Variants in CMYA5 observed in about 807,000 individuals in gnomAD.
CMYA5 encodes the protein cardiomyopathy-associated protein 5.
In CMYA5, 246 loss-of-function variants were observed where a neutral mutation model predicts 318.9. That is an observed-to-expected ratio of 0.77 (90% CI 0.70 to 0.86). The LOEUF (loss-of-function observed/expected upper bound fraction) is 0.86. Among genes scored for constraint, CMYA5 ranks in the 40% least tolerant of loss-of-function variants. The pLI is 0.00. For synonymous variants in CMYA5, 1,641 were observed against 1,729.5 expected (o/e 0.95, Z 1.27); for missense variants, 4,589 against 4,678.2 (o/e 0.98, Z 0.56).
chr5:79,763,600 G>A (rs1828697542), intron 9 of CMYA5, among the ~76,000 whole-genome samples: 1 of 152,156 alleles, frequency 6.6e-6, no homozygotes, highest in Non-Finnish European at 1.5e-5. Context: ...AAATTGGAAT[G>A]TCTCCATGAT....
intron 1 of CMYA5, among the ~76,000 whole-genome samples, chr5:79,706,802 A>C (rs578170050): frequency 6.6e-6 from 1 of 152,198 alleles, no homozygotes; most frequent in East Asian, 1.9e-4. Context: ...CCTGCATGCA[A>C]TTTTGTATTT....
chr5:79,696,223 A>G (rs1167834213), intron 1 of CMYA5, among the ~76,000 whole-genome samples: 1 of 152,248 alleles, frequency 6.6e-6, no homozygotes, highest in African/African-American at 2.4e-5. Context: ...AGGATTGTTC[A>G]GTTAAGGTGT....
intron 1 of CMYA5, among the ~76,000 whole-genome samples, chr5:79,703,554 A>T (rs915884409): frequency 6.6e-5 from 10 of 152,170 alleles, no homozygotes; most frequent in Admixed American, 2.0e-4. Context: ...GCCTAGGGTA[A>T]TCCTCCTTTG....
intron 7 of CMYA5, among the ~76,000 whole-genome samples, 179 bp from the exon 8 acceptor site, chr5:79,761,630 CTT>C (rs1250179080): frequency 2.0e-5 from 3 of 152,178 alleles, no homozygotes; most frequent in Admixed American, 2.0e-4. Context: ...CTAAGTATCT[CTT>C]TTCAGAATGC....
chr5:79,710,264 T>G (rs1827364345), intron 1 of CMYA5, among the ~76,000 whole-genome samples: 1 of 152,164 alleles, frequency 6.6e-6, no homozygotes. Flanking sequence ...GTTATTGATG[T>G]TGACATGTAG....
chr5:79,709,773 C>T (rs145466092), intron 1 of CMYA5, among the ~76,000 whole-genome samples: 3,282 of 151,530 alleles, frequency 0.022, 117 homozygotes, highest in African/African-American at 0.074. Flanking sequence ...GCCTGGTCAG[C>T]ATGGTGAAAC....
At chr5:79,690,164 G>A (rs1007807127) in intron 1 of CMYA5, 108 bp downstream of exon 1, 2 of 1,345,668 alleles carry the variant, frequency 1.5e-6, no homozygotes, top group African/African-American at 3.1e-5. Context: ...CTCGAGCTAG[G>A]CACTTTCTCT....
At chr5:79,695,102 A>G (rs11958210) in intron 1 of CMYA5, among the ~76,000 whole-genome samples, 25,901 of 152,204 alleles carry the variant, frequency 0.17, 2,363 homozygotes, top group African/African-American at 0.24. Flanking sequence ...AAAAAAGTCC[A>G]TAGTCCCTGG....
Position 79,776,807 on chromosome 5 carries a change from A to G in CMYA5, c.11556-12164A>G, listed in dbSNP as rs1828947226. ...TTTAAAAAACAATACCTATTTAGCC[A>G]TCTGTGGTACACTGCAGTGACGACA... On this transcript the variant is annotated intron_variant, in intron 9 of 12. Coordinates refer to ENST00000446378, the MANE Select transcript of CMYA5 (RefSeq NM_153610.5). Among the ~76,000 whole-genome samples the G allele has an allele frequency of 2.6e-5, 4 of 151,736 alleles. No individual in the cohort carries two copies. The South Asian group carries it at 8.3e-4, about 31-fold the overall frequency.
At chr5:79,711,469 G>A (rs1234775241) in intron 1 of CMYA5, among the ~76,000 whole-genome samples, 1 of 152,226 alleles carries the variant, frequency 6.6e-6, no homozygotes, top group African/African-American at 2.4e-5. Flanking sequence ...CAGAGGCAAA[G>A]TTTAATTGTC....
At chr5:79,760,241 T>A (rs1420739577) in intron 7 of CMYA5, among the ~76,000 whole-genome samples, 1 of 152,070 alleles carries the variant, frequency 6.6e-6, no homozygotes, top group Non-Finnish European at 1.5e-5. Context: ...TTCCCTATCC[T>A]GTGTCTCATT....
At chr5:79,699,182 AAG>A (rs1178294924) in intron 1 of CMYA5, among the ~76,000 whole-genome samples, 2 of 152,136 alleles carry the variant, frequency 1.3e-5, no homozygotes, top group Non-Finnish European at 2.9e-5. Context: ...ACAACAAAAA[AAG>A]AAAAGAAAAA....
chr5:79,776,193 G>A (rs1333823199), intron 9 of CMYA5, among the ~76,000 whole-genome samples: 1 of 151,988 alleles, frequency 6.6e-6, no homozygotes, highest in Non-Finnish European at 1.5e-5. Flanking sequence ...AGACCAGCCT[G>A]GCCATTCAGC....
At chr5:79,701,322 A>G (rs1479329096) in intron 1 of CMYA5, among the ~76,000 whole-genome samples, 2 of 152,196 alleles carry the variant, frequency 1.3e-5, no homozygotes, top group Non-Finnish European at 2.9e-5. Context: ...GTTAACATTA[A>G]TTGACTGTAC....
chr5:79,691,966 A>G (rs1182995129), intron 1 of CMYA5, among the ~76,000 whole-genome samples: 3 of 152,204 alleles, frequency 2.0e-5, no homozygotes, highest in East Asian at 1.9e-4. Context: ...CTGATTGGCA[A>G]TTGGTTGAAA....
chr5:79,799,300 C>G, intron 12 of CMYA5, 70 bp from the exon 13 acceptor site: 1 of 1,491,582 alleles, frequency 6.7e-7, no homozygotes, highest in South Asian at 1.3e-5. Context: ...TGGTTATTCC[C>G]AAGTGACTTT....
At position 79,799,934 on chromosome 5, in the gene CMYA5, A is replaced by G. The variant is rs1829344892; in HGVS notation, c.*318A>G. On this transcript the variant is annotated 3_prime_UTR_variant, in exon 13 of 13. Coordinates refer to ENST00000446378, the MANE Select transcript of CMYA5 (RefSeq NM_153610.5). ...ATGGACTTCCATCTGTTTTACTGGT[A>G]AAGGAAATCCTCTGATGGACAGGTC... 1 of 214,318 alleles carries G rather than the reference A, an allele frequency of 4.7e-6. No individual in the cohort carries two copies. The highest frequency in any genetic ancestry group is 2.3e-5 in the African/African-American group (1 of 43,238). The allele number at this position is 214,318 out of a possible 1,614,324, so 13.3% of individuals were successfully genotyped here.
At chr5:79,709,112 A>T (rs1827332566) in intron 1 of CMYA5, among the ~76,000 whole-genome samples, 1 of 152,198 alleles carries the variant, frequency 6.6e-6, no homozygotes, top group Non-Finnish European at 1.5e-5. Flanking sequence ...GGCAGGGCTC[A>T]CATGGTACCC....
chr5:79,766,223 C>T (rs936759702), intron 9 of CMYA5, among the ~76,000 whole-genome samples: 162 of 152,182 alleles, frequency 1.1e-3, no homozygotes, highest in African/African-American at 3.6e-3. Flanking sequence ...CTCAGCCTCC[C>T]GAGTAGCTGG....
Sources: allele counts gnomAD v4.1 joint callset (sites outside exome capture counted in the v4.1 genomes callset), GRCh38; gene constraint gnomAD v4.1.1; transcripts MANE v1.5; gene names NCBI Gene and HGNC (gene_info 2026-07-23, HGNC 2026-07-21).